The following DLG3 variants were observed in gnomAD, a reference collection of about 807,000 sequenced individuals.
DLG3 encodes the protein disks large homolog 3.
In DLG3, 1 loss-of-function variant was observed where a neutral mutation model predicts 64.1. The ratio of observed to expected loss-of-function variants is 0.02; its 90% confidence interval spans 0.01 to 0.07. DLG3 has a LOEUF of 0.07. Among genes scored for constraint, DLG3 ranks in the 10% least tolerant of loss-of-function variants. DLG3 has a pLI of 1.00. For synonymous variants in DLG3, 245 were observed against 259.8 expected, an observed-to-expected ratio of 0.94 and a Z score of 0.55; for missense variants, 429 against 669.5, an observed-to-expected ratio of 0.64 and a Z score of 3.96.
intron 9 of DLG3, among the ~76,000 whole-genome samples, chrX:70,458,134 C>T (rs750468569): frequency 3.1e-4 from 34 of 110,798 alleles, no homozygotes; most frequent in Non-Finnish European, 5.7e-4. Context: ...CCTTGGCCTC[C>T]CAAAGTGCTG....
chrX:70,498,083 A>C (rs754044134), intron 13 of DLG3, among the ~76,000 whole-genome samples: 1 of 111,752 alleles, frequency 8.9e-6, no homozygotes, highest in Admixed American at 9.4e-5. Context: ...AAAAGGGCAA[A>C]GTTAGGCTGC....
chrX:70,493,341 C>A (rs1217227815), intron 12 of DLG3: 2 of 1,057,163 alleles, frequency 1.9e-6, no homozygotes, highest in Non-Finnish European at 2.6e-6. Flanking sequence ...TTTTTTTCTT[C>A]TGTCCTTCCC....
At chrX:70,456,143 T>G (rs1429995703) in intron 9 of DLG3, 1 of 112,308 alleles carries the variant, frequency 8.9e-6, no homozygotes, top group African/African-American at 3.2e-5. Context: ...TTTGAGTCAT[T>G]TCTCTCCTTG....
intron 9 of DLG3, among the ~76,000 whole-genome samples, chrX:70,470,333 C>T (rs779938575): frequency 1.8e-5 from 2 of 110,300 alleles, no homozygotes; most frequent in African/African-American, 3.3e-5. Flanking sequence ...TGGGTTCAAG[C>T]GATTCTCGTG....
At chrX:70,501,261 C>T (rs2147894078) in intron 18 of DLG3, among the ~76,000 whole-genome samples, 1 of 111,084 alleles carries the variant, frequency 9.0e-6, no homozygotes, top group South Asian at 3.9e-4. Context: ...ATTGTAGGCT[C>T]CCTGTATTAC....
chrX:70,459,710 A>G (rs1418336094), intron 9 of DLG3, among the ~76,000 whole-genome samples: 1 of 112,301 alleles, frequency 8.9e-6, no homozygotes, highest in Non-Finnish European at 1.9e-5. Context: ...AACTTTTATA[A>G]GCATTAATCT....
intron 6 of DLG3, 40 bp from the exon 7 acceptor site, chrX:70,451,827 G>C (rs1467584556): frequency 8.3e-7 from 1 of 1,207,429 alleles, no homozygotes; most frequent in Non-Finnish European, 1.1e-6. Flanking sequence ...TACCTCCCTG[G>C]ACCAGTCTCT....
chrX:70,502,800 AATT>A lies in DLG3; in HGVS notation c.*537_*539del, dbSNP rs1294659548. On this transcript the variant is annotated 3_prime_UTR_variant, in exon 19 of 19. Transcript: ENST00000374360. ...ATGTAATTTATATAAAATATATAGA[AATT>A]ATTATATATATATATTATACACTCT... is the stretch of plus-strand genomic sequence containing the variant. 1 of 107,537 alleles carries A rather than the reference AATT, an allele frequency of 9.3e-6. No homozygotes were observed. Among genetic ancestry groups the A allele is most frequent in the Non-Finnish European group, 1.9e-5 (1 of 52,429 alleles). The allele number at this position is 107,537 out of a possible 1,213,427, so 8.9% of individuals were successfully genotyped here.
At chrX:70,450,856 C>T in intron 6 of DLG3, 73 bp downstream of exon 6, 1 of 1,176,784 alleles carries the variant, frequency 8.5e-7, no homozygotes, top group Non-Finnish European at 1.2e-6. Context: ...GAAGTTCATA[C>T]CCTTTGTTAA....
chrX:70,463,880 T>G (rs1432998358), intron 9 of DLG3, among the ~76,000 whole-genome samples: 1 of 111,965 alleles, frequency 8.9e-6, no homozygotes, highest in Non-Finnish European at 1.9e-5. Flanking sequence ...CTGGACTCTT[T>G]TATTGTTTAA....
chrX:70,485,625 A>G (rs1160551551), intron 10 of DLG3, among the ~76,000 whole-genome samples: 1 of 112,075 alleles, frequency 8.9e-6, no homozygotes, highest in African/African-American at 3.2e-5. Context: ...TTTGCTTTGC[A>G]TCGAGAAACC....
intron 13 of DLG3, among the ~76,000 whole-genome samples, chrX:70,496,745 C>T (rs2087463069): frequency 8.9e-6 from 1 of 112,660 alleles, no homozygotes; most frequent in Non-Finnish European, 1.9e-5. Flanking sequence ...TGGAGTGCCA[C>T]ATGGTTCTGT....
intron 9 of DLG3, among the ~76,000 whole-genome samples, chrX:70,464,244 T>C (rs2086851534): frequency 9.4e-6 from 1 of 106,152 alleles, no homozygotes; most frequent in African/African-American, 3.5e-5. Flanking sequence ...TCCTTTCCTT[T>C]CTCTTTCCTT....
In DLG3 at chrX:70,504,777, T is replaced by C. The variant is rs750891812; in HGVS notation, c.*2508T>C. 9.0e-6 allele frequency: 1 copy of C among 111,667 alleles called. No individual in the cohort carries two copies. Among genetic ancestry groups the C allele is most frequent in the South Asian group, 3.8e-4 (1 of 2,639 alleles). The allele number at this position is 111,667 out of a possible 1,213,427, so 9.2% of individuals were successfully genotyped here. On this transcript the variant is annotated 3_prime_UTR_variant, in exon 19 of 19. Transcript: ENST00000374360. ...GAGAAAGTGACCTGCCAGCTACCAG[T>C]GTTTCCGAAAATGAGGGTGGGATGG... is the stretch of plus-strand genomic sequence containing the variant.
At chrX:70,468,193 C>T (rs7888602) in intron 9 of DLG3, among the ~76,000 whole-genome samples, 7,112 of 111,287 alleles carry the variant, frequency 0.064, 574 homozygotes, top group African/African-American at 0.22. Context: ...CTTCAGCCTC[C>T]TGAGTAGCTG....
At chrX:70,464,508 G>A (rs1389484728) in intron 9 of DLG3, among the ~76,000 whole-genome samples, 2 of 111,306 alleles carry the variant, frequency 1.8e-5, no homozygotes, top group Admixed American at 1.9e-4. Context: ...TGATTCCCTC[G>A]CCTCCGCCTC....
In DLG3 at chrX:70,502,145, T is replaced by C; in HGVS notation, c.2348-18T>C. 1.7e-6 allele frequency: 2 copies of C among 1,160,127 alleles called. No homozygotes were observed. The highest frequency in any genetic ancestry group is 2.4e-6 in the Non-Finnish European group (2 of 849,654). ...GCTATGGACCACAGTAATAATTTTG[T>C]TTTCCTCTTCACTTTAGCCATTGTA... On this transcript the variant is annotated intron_variant, in intron 18 of 18. Transcript: ENST00000374360.
chrX:70,449,735 G>A lies in DLG3; in HGVS notation c.579G>A (p.Glu193=), dbSNP rs369819281. Residue 193 remains glutamate (E), a synonymous_variant, in exon 4 of 19, where the codon GAG becomes GAA. Transcript: ENST00000374360. ...VLRVNEVDVS[E]VVHSRAVEAL... ...GGGTGAATGAGGTGGACGTGTCGGA[G>A]GTGGTACACAGCCGGGCGGTGGAGG... The A allele has an allele frequency of 1.7e-6, 2 of 1,209,619 alleles. No individual in the cohort carries two copies. The highest frequency in any genetic ancestry group is 1.8e-5 in the South Asian group (1 of 56,542).
At chrX:70,447,925 A>G (rs756517799) in intron 1 of DLG3, among the ~76,000 whole-genome samples, 5 of 111,846 alleles carry the variant, frequency 4.5e-5, no homozygotes, top group South Asian at 3.9e-4. Flanking sequence ...ATTGAAAACC[A>G]TGGACTCTGC....
Sources: gnomAD v4.1 joint callset for allele counts (sites outside exome capture counted in the v4.1 genomes callset) on GRCh38, gnomAD v4.1.1 for gene constraint, MANE v1.5 for transcripts, NCBI Gene and HGNC (gene_info 2026-07-23, HGNC 2026-07-21) for gene names.